SPIDR: variants seen among roughly 807,000 people sequenced by gnomAD.
SPIDR encodes the protein scaffold protein involved in DNA repair.
A neutral mutation model predicts 104.6 loss-of-function variants in SPIDR; 93 were observed. The observed-to-expected ratio is 0.89, with a 90% confidence interval of 0.75 to 1.06. The LOEUF is 1.06. Among genes scored for constraint, SPIDR ranks in the 50% least tolerant of loss-of-function variants. The pLI is 0.00. For missense variants in SPIDR, 1,154 were observed against 1,111.2 expected (o/e 1.04, Z -0.55); for synonymous variants, 431 against 416.9 (o/e 1.03, Z -0.41).
rs56269650 is a variant in SPIDR at position 47,451,581 on chromosome 8, A to AACAC, written c.1097+11064_1097+11067dup. 1.5e-3 allele frequency among the ~76,000 whole-genome samples: 225 copies of AACAC among 148,130 alleles called. 1 individual carries two copies. Among genetic ancestry groups the AACAC allele is most frequent in the African/African-American group, 5.0e-3 (201 of 40,300 alleles). On this transcript the variant is annotated intron_variant, in intron 8 of 19. Coordinates refer to ENST00000297423, the MANE Select transcript of SPIDR (RefSeq NM_001080394.4). ...AGGCGACATTGTGAAACCCTGCCAA[A>AACAC]ACACACACACACACACACACACACA...
At chr8:47,292,027 C>G (rs1443616058) in intron 4 of SPIDR, among the ~76,000 whole-genome samples, 1 of 152,096 alleles carries the variant, frequency 6.6e-6, no homozygotes, top group Non-Finnish European at 1.5e-5. Flanking sequence ...AGAATCCCAG[C>G]CACAGTGATG....
At chr8:47,656,802 A>G (rs1015072949) in intron 10 of SPIDR, among the ~76,000 whole-genome samples, 1 of 152,268 alleles carries the variant, frequency 6.6e-6, no homozygotes, top group Admixed American at 6.5e-5. Flanking sequence ...TGATATATCC[A>G]TGTAATGGAA....
intron 5 of SPIDR, among the ~76,000 whole-genome samples, chr8:47,387,860 C>G (rs1371407990): frequency 6.6e-6 from 1 of 152,194 alleles, no homozygotes; most frequent in Admixed American, 6.5e-5. Context: ...TCTTCAAAAG[C>G]TTTCTGCTTT....
At chr8:47,634,051 T>G (rs1038032847) in intron 10 of SPIDR, among the ~76,000 whole-genome samples, 4 of 150,016 alleles carry the variant, frequency 2.7e-5, no homozygotes, top group Non-Finnish European at 5.9e-5. Flanking sequence ...GCCAAGATCG[T>G]GCCACTGCAC....
In SPIDR at chr8:47,599,094, G is replaced by A. The variant is rs768729251; in HGVS notation, c.1442G>A (p.Gly481Glu). 2.5e-6 allele frequency: 4 copies of A among 1,612,694 alleles called. No homozygotes were observed. Among genetic ancestry groups the A allele is most frequent in the Non-Finnish European group, 3.4e-6 (4 of 1,179,450 alleles). ...GGAGCTGCCTCGTGGCCAGGAGCTG[G>A]AGTCCGAGTGGTGGTGCAAAGAGTG... ...SQGAASWPGAGVRVVVQRVYS... is the reference protein window; with the variant it reads ...SQGAASWPGAEVRVVVQRVYS... Residue 481 changes from glycine (G) to glutamate (E), a missense_variant, in exon 10 of 20, where the codon GGA (glycine) becomes GAA (glutamate). Gly to Glu is a moderately conservative substitution (Grantham distance 98, BLOSUM62 -2). Coordinates refer to ENST00000297423, the MANE Select transcript of SPIDR (RefSeq NM_001080394.4).
At chr8:47,330,538 C>T (rs1210916295) in intron 5 of SPIDR, among the ~76,000 whole-genome samples, 1 of 152,194 alleles carries the variant, frequency 6.6e-6, no homozygotes, top group Non-Finnish European at 1.5e-5. Context: ...CCTAATCTCT[C>T]GAAACCACTG....
chr8:47,327,240 A>G (rs2047812265), intron 5 of SPIDR, among the ~76,000 whole-genome samples: 2 of 152,164 alleles, frequency 1.3e-5, no homozygotes, highest in South Asian at 4.1e-4. Context: ...TGATCTGAAT[A>G]TCTTCTTGGA....
At chr8:47,266,917 T>C (rs1238139660) in intron 1 of SPIDR, among the ~76,000 whole-genome samples, 6 of 152,220 alleles carry the variant, frequency 3.9e-5, no homozygotes, top group Non-Finnish European at 8.8e-5. Flanking sequence ...CCCTCATCCA[T>C]TGGCAACCAC....
intron 11 of SPIDR, among the ~76,000 whole-genome samples, chr8:47,676,434 T>C (rs1423006687): frequency 6.6e-6 from 1 of 152,218 alleles, no homozygotes; most frequent in East Asian, 1.9e-4. Context: ...AACAAATTAT[T>C]AAATAGTTTT....
chr8:47,676,891 A>G (rs2076516276), intron 11 of SPIDR, among the ~76,000 whole-genome samples: 1 of 152,220 alleles, frequency 6.6e-6, no homozygotes, highest in Non-Finnish European at 1.5e-5. Context: ...CGCTCCAGCC[A>G]CCTGCTTTGG....
intron 10 of SPIDR, chr8:47,654,010 T>C (rs747560278): frequency 3.4e-5 from 44 of 1,286,758 alleles, no homozygotes; most frequent in Non-Finnish European, 4.4e-5. Flanking sequence ...GCAAGGACTA[T>C]CAGATTCCAT....
intron 7 of SPIDR, among the ~76,000 whole-genome samples, chr8:47,428,441 A>C (rs2066794285): frequency 6.6e-6 from 1 of 152,244 alleles, no homozygotes; most frequent in African/African-American, 2.4e-5. Context: ...TTAAAAAATA[A>C]GTGTTAGAAA....
intron 7 of SPIDR, among the ~76,000 whole-genome samples, chr8:47,424,094 G>A (rs1158905507): frequency 6.6e-6 from 1 of 152,156 alleles, no homozygotes; most frequent in Non-Finnish European, 1.5e-5. Context: ...GGGTAGCAGA[G>A]CCAGATTTAC....
intron 11 of SPIDR, among the ~76,000 whole-genome samples, chr8:47,691,118 C>G (rs1040599291): frequency 6.6e-6 from 1 of 151,226 alleles, no homozygotes; most frequent in Non-Finnish European, 1.5e-5. Context: ...ATGGCAAAAC[C>G]CCATCTCTAC....
intron 5 of SPIDR, among the ~76,000 whole-genome samples, chr8:47,317,026 C>T (rs914638135): frequency 2.0e-5 from 3 of 152,110 alleles, no homozygotes; most frequent in African/African-American, 7.2e-5. Flanking sequence ...CCAGCTTGAG[C>T]GACGTAGAAG....
chr8:47,326,879 T>G (rs1554600591), intron 5 of SPIDR, among the ~76,000 whole-genome samples: 2 of 152,244 alleles, frequency 1.3e-5, no homozygotes, highest in Non-Finnish European at 2.9e-5. Context: ...TTTCCTCCCT[T>G]TGGCTACTGT....
intron 10 of SPIDR, among the ~76,000 whole-genome samples, chr8:47,620,832 G>T (rs973145283): frequency 3.3e-5 from 5 of 150,364 alleles, no homozygotes; most frequent in African/African-American, 1.2e-4. Flanking sequence ...TGGCCAGGAT[G>T]GTCTCAATCT....
intron 10 of SPIDR, among the ~76,000 whole-genome samples, chr8:47,646,744 G>A (rs2070436358): frequency 1.3e-5 from 2 of 152,150 alleles, no homozygotes; most frequent in African/African-American, 4.8e-5. Flanking sequence ...TTATCTGTGA[G>A]GGGTAGCTGG....
At chr8:47,658,544 C>CTGTTGTTGTTGTTGT (rs10584346) in intron 10 of SPIDR, among the ~76,000 whole-genome samples, 74 of 148,576 alleles carry the variant, frequency 5.0e-4, no homozygotes, top group Non-Finnish European at 7.0e-4. Context: ...GGTTTTGTTA[C>CTGTTGTTGTTGTTGT]TGTTGTTGTT....
Sources: gnomAD v4.1 joint callset for allele counts (sites outside exome capture counted in the v4.1 genomes callset) on GRCh38, gnomAD v4.1.1 for gene constraint, MANE v1.5 for transcripts, NCBI Gene and HGNC (gene_info 2026-07-23, HGNC 2026-07-21) for gene names.